The following GABRB1 variants were observed in gnomAD, a reference collection of about 807,000 sequenced individuals.
The protein encoded by GABRB1 is gamma-aminobutyric acid receptor subunit beta-1.
In GABRB1, 17 loss-of-function variants were observed where a neutral mutation model predicts 51.6. The ratio of observed to expected loss-of-function variants is 0.33; its 90% CI spans 0.23 to 0.49. The LOEUF (loss-of-function observed/expected upper bound fraction) is 0.49, where lower values mean the gene tolerates loss of function less well. Among genes scored for constraint, GABRB1 ranks in the 20% least tolerant of loss-of-function variants. The pLI is 0.99. For synonymous variants in GABRB1, 247 were observed against 218.9 expected (o/e 1.13, Z -1.14); for missense variants, 410 against 600.6 (o/e 0.68, Z 3.32).
At chr4:47,168,213 T>C (rs1337025737) in intron 4 of GABRB1, among the ~76,000 whole-genome samples, 1 of 152,196 alleles carries the variant, frequency 6.6e-6, no homozygotes, top group Admixed American at 6.6e-5. Flanking sequence ...TATTGTCGTA[T>C]GTCATCTTTA....
At chr4:47,116,300 A>C (rs564613421) in intron 3 of GABRB1, among the ~76,000 whole-genome samples, 2 of 152,216 alleles carry the variant, frequency 1.3e-5, no homozygotes, top group South Asian at 4.1e-4. Context: ...TAAGACATTC[A>C]TCTCAATTAT....
intron 3 of GABRB1, among the ~76,000 whole-genome samples, chr4:47,078,348 T>C (rs1360577271): frequency 6.6e-6 from 1 of 152,136 alleles, no homozygotes; most frequent in South Asian, 2.1e-4. Context: ...AGCACAGTTA[T>C]AGGCTGTTCT....
chr4:47,162,815 A>G (rs1577964369), intron 4 of GABRB1, among the ~76,000 whole-genome samples: 1 of 152,090 alleles, frequency 6.6e-6, no homozygotes. Flanking sequence ...GAGCCAACCC[A>G]GTTCTTTGTA....
At chr4:47,415,631 G>A (rs1435022100) in intron 8 of GABRB1, among the ~76,000 whole-genome samples, 4 of 152,050 alleles carry the variant, frequency 2.6e-5, no homozygotes, top group Admixed American at 2.0e-4. Context: ...CTTCAACCAC[G>A]TGCACCAAAA....
chr4:47,149,274 T>C (rs1458429588), intron 3 of GABRB1, among the ~76,000 whole-genome samples: 1 of 152,012 alleles, frequency 6.6e-6, no homozygotes, highest in Non-Finnish European at 1.5e-5. Context: ...AGAATGAAAA[T>C]GTGTATTATT....
intron 1 of GABRB1, among the ~76,000 whole-genome samples, chr4:47,011,485 G>A (rs984364788): frequency 6.6e-6 from 1 of 152,170 alleles, no homozygotes; most frequent in African/African-American, 2.4e-5. Flanking sequence ...AAGGTCCCAA[G>A]TAGGGTCAAA....
intron 3 of GABRB1, among the ~76,000 whole-genome samples, chr4:47,049,176 T>C (rs1228223858): frequency 6.6e-6 from 1 of 152,080 alleles, no homozygotes; most frequent in African/African-American, 2.4e-5. Context: ...GGAAACACAA[T>C]AGTTTTCCAG....
At chr4:47,353,443 A>T (rs1726437778) in intron 5 of GABRB1, among the ~76,000 whole-genome samples, 1 of 152,218 alleles carries the variant, frequency 6.6e-6, no homozygotes, top group Non-Finnish European at 1.5e-5. Context: ...ATCAAGGATC[A>T]ATCTTTAATA....
At chr4:47,292,752 G>A (rs1294042477) in intron 4 of GABRB1, among the ~76,000 whole-genome samples, 1 of 152,182 alleles carries the variant, frequency 6.6e-6, no homozygotes, top group Non-Finnish European at 1.5e-5. Flanking sequence ...CTGGCATCTG[G>A]CAAGGGCCTT....
At chr4:47,291,873 C>A (rs1341657045) in intron 4 of GABRB1, among the ~76,000 whole-genome samples, 1 of 152,158 alleles carries the variant, frequency 6.6e-6, no homozygotes, top group African/African-American at 2.4e-5. Flanking sequence ...TTTACAGGCT[C>A]ATAGGTGGAA....
At chr4:47,072,531 A>T (rs192910886) in intron 3 of GABRB1, among the ~76,000 whole-genome samples, 61 of 152,226 alleles carry the variant, frequency 4.0e-4, no homozygotes, top group African/African-American at 1.4e-3. Flanking sequence ...TTATAAAGGA[A>T]TCTGCTATTT....
Position 47,376,564 on chromosome 4 carries a change from G to A in GABRB1, c.545-26754G>A, listed in dbSNP as rs1374068769. Among the ~76,000 whole-genome samples, 5 of 152,220 alleles carry A rather than the reference G, an allele frequency of 3.3e-5. No homozygotes were observed. The East Asian group carries it at 7.8e-4, about 24-fold the overall frequency. On this transcript the variant is annotated intron_variant, in intron 5 of 8. Transcript: ENST00000295454. ...TGGGGGGCTGAGGCAGGAGAATGGCGTGAACCCGGGAGGCGGAGCTTGCAG... is the reference window on the plus strand; with the variant it reads ...TGGGGGGCTGAGGCAGGAGAATGGCATGAACCCGGGAGGCGGAGCTTGCAG...
intron 3 of GABRB1, among the ~76,000 whole-genome samples, chr4:47,114,264 T>G (rs1211186116): frequency 6.6e-6 from 1 of 152,218 alleles, no homozygotes; most frequent in African/African-American, 2.4e-5. Flanking sequence ...ATCCTCAGAG[T>G]ACTCTCTGAA....
intron 3 of GABRB1, among the ~76,000 whole-genome samples, chr4:47,071,571 C>T (rs1451851229): frequency 6.6e-6 from 1 of 151,992 alleles, no homozygotes; most frequent in African/African-American, 2.4e-5. Flanking sequence ...ATCTTCATTA[C>T]TTTATTTTAA....
chr4:47,148,467 C>T (rs1201330290), intron 3 of GABRB1, among the ~76,000 whole-genome samples: 2 of 152,082 alleles, frequency 1.3e-5, no homozygotes, highest in African/African-American at 4.8e-5. Flanking sequence ...AAGCACATAA[C>T]AATATTTGCC....
At chr4:47,038,403 T>C (rs1354613071) in intron 3 of GABRB1, among the ~76,000 whole-genome samples, 2 of 152,208 alleles carry the variant, frequency 1.3e-5, no homozygotes, top group African/African-American at 4.8e-5. Flanking sequence ...GTTTATATTG[T>C]ATTGAACATT....
intron 4 of GABRB1, among the ~76,000 whole-genome samples, chr4:47,298,572 C>T (rs1011001865): frequency 2.0e-5 from 3 of 152,150 alleles, no homozygotes; most frequent in Non-Finnish European, 4.4e-5. Flanking sequence ...CAAACCACTG[C>T]TCAATGAAAT....
intron 3 of GABRB1, among the ~76,000 whole-genome samples, chr4:47,096,204 C>T (rs1714423078): frequency 1.3e-5 from 2 of 152,108 alleles, no homozygotes; most frequent in African/African-American, 4.8e-5. Context: ...CTTTCCAAAC[C>T]CTATATTGCT....
At chr4:47,013,139 C>CTCTG (rs1724629020) in intron 1 of GABRB1, among the ~76,000 whole-genome samples, 1 of 149,006 alleles carries the variant, frequency 6.7e-6, no homozygotes, top group Admixed American at 6.7e-5. Flanking sequence ...AAATTGCATT[C>CTCTG]TGTGTGTGTG....
Sources: gnomAD v4.1 joint callset for allele counts (sites outside exome capture counted in the v4.1 genomes callset) on GRCh38, gnomAD v4.1.1 for gene constraint, MANE v1.5 for transcripts, NCBI Gene and HGNC (gene_info 2026-07-23, HGNC 2026-07-21) for gene names.